Variants in UNC80 observed in about 807,000 individuals in gnomAD.
UNC80 encodes the protein unc-80 subunit of NALCN channel complex, also known as protein unc-80 homolog.
In UNC80, 164 loss-of-function variants were observed where a neutral mutation model predicts 384.6. That is an observed-to-expected ratio of 0.43 (90% CI 0.38 to 0.49). The LOEUF is 0.49. UNC80 is among the 20% of genes least tolerant of loss of function. The pLI is 0.00. For synonymous variants in UNC80, 1,486 were observed against 1,527.8 expected, an observed-to-expected ratio of 0.97 and a Z score of 0.64; for missense variants, 3,330 against 4,143.0, an observed-to-expected ratio of 0.80 and a Z score of 5.39.
rs770273655 is a variant in UNC80, at chr2:209,972,229, A to G, written c.8285A>G (p.His2762Arg). The G allele has an allele frequency of 1.3e-6, 2 of 1,551,532 alleles. No homozygotes were observed. The highest frequency in any genetic ancestry group is 8.7e-7 in the Non-Finnish European group (1 of 1,146,836). ...TTAAAAGAAGATTTTCCTTTAAGCC[A>G]TGTGATCTCCCCATTCACCAATCAA... ...QALKEDFPLS[H>R]VISPFTNQER... The change falls in exon 55 of 65, where the codon CAT (histidine) becomes CGT (arginine). Residue 2762 changes from histidine (H) to arginine (R), a missense_variant. Around this residue, in one of 8 missense-constraint regions of UNC80, gnomAD observed 1,049 missense variants for 1,488.6 expected, o/e 0.70. Coordinates refer to ENST00000673920, the MANE Select transcript of UNC80 (RefSeq NM_001371986.1).
At chr2:209,922,150 T>C (rs2090086518) in intron 34 of UNC80, 102 bp from the exon 35 acceptor site, 1 of 1,313,798 alleles carries the variant, frequency 7.6e-7, no homozygotes, top group South Asian at 1.6e-5. Flanking sequence ...ATTTAAGCCT[T>C]ATGGTCTGAG....
At chr2:209,887,982 T>C (rs972143783) in intron 25 of UNC80, 113 bp from the exon 26 acceptor site, 1 of 893,302 alleles carries the variant, frequency 1.1e-6, no homozygotes, top group East Asian at 2.7e-5. Context: ...GATAAAGGAA[T>C]CTGGCTGTTT....
chr2:209,804,773 GT>G (rs1173630852), intron 7 of UNC80, among the ~76,000 whole-genome samples: 6 of 43,986 alleles, frequency 1.4e-4, no homozygotes, highest in East Asian at 5.3e-4. Flanking sequence ...GTTTTGTTTT[GT>G]TTTTTTTTTG....
At position 209,998,815 on chromosome 2, in the gene UNC80, G is replaced by A. The variant is rs180859748; in HGVS notation, c.*3220G>A. 3.9e-5 allele frequency: 6 copies of A among 152,284 alleles called. No homozygotes were observed. In the East Asian group the frequency reaches 1.2e-3, roughly 29 times the overall value. The allele number at this position is 152,284 out of a possible 1,614,324, so 9.4% of individuals were successfully genotyped here. Reference sequence around the variant, plus strand: ...ACACCAAGTCATGCTGTTGCCCTGTGACCTCACACTTCCCATTCCATGGCC... The same window carrying A: ...ACACCAAGTCATGCTGTTGCCCTGTAACCTCACACTTCCCATTCCATGGCC... On this transcript the variant is annotated 3_prime_UTR_variant, in exon 65 of 65. Transcript: ENST00000673920.
Position 209,773,142 on chromosome 2 carries a change from G to T in UNC80, c.141G>T (p.Val47=). Residue 47 remains valine, a splice_region_variant and synonymous_variant, in exon 2 of 65, where the codon GTG becomes GTT. Transcript: ENST00000673920. The part of the protein sequence containing the change: ...KLGKQYEASC[V]SFERVLVENK... ...GGAAGCAATATGAAGCTTCTTGTGT[G>T]GTATGTGATTTTCACCATTTAATAA... The T allele has an allele frequency of 1.2e-6, 2 of 1,612,910 alleles. No individual in the cohort carries two copies. The highest frequency in any genetic ancestry group is 1.7e-6 in the Non-Finnish European group (2 of 1,179,230).
intron 6 of UNC80, among the ~76,000 whole-genome samples, chr2:209,792,457 T>C (rs1051913314): frequency 3.5e-4 from 53 of 152,160 alleles, no homozygotes; most frequent in Non-Finnish European, 6.3e-4. Context: ...ATGCCATTCT[T>C]CTGCCTCAGC....
intron 12 of UNC80, 114 bp downstream of exon 12, chr2:209,819,375 A>G (rs1212084678): frequency 1.7e-6 from 2 of 1,186,910 alleles, no homozygotes; most frequent in Non-Finnish European, 2.3e-6. Flanking sequence ...AAACCTTGAA[A>G]TGAAAAAGCC....
rs1423895865 is a variant in UNC80, at chr2:209,970,898, C to T, written c.8197C>T (p.Leu2733Phe). ...ACCCCTTCTTCATCTCAGCCCTTATCTCTCACCACCTCTGCCCTTCAGCAC... is the reference window on the plus strand; with the variant it reads ...ACCCCTTCTTCATCTCAGCCCTTATTTCTCACCACCTCTGCCCTTCAGCAC... ...GLPLLHLSPY[L>F]SPPLPFSTAV... Residue 2733 changes from leucine (L) to phenylalanine (F), a missense_variant, in exon 54 of 65, where the codon CTC becomes TTC. By Grantham distance (22) the Leu-to-Phe change is conservative. Coordinates refer to ENST00000673920, the MANE Select transcript of UNC80 (RefSeq NM_001371986.1). The T allele has an allele frequency of 3.0e-5, 47 of 1,551,762 alleles. No individual in the cohort carries two copies. Among genetic ancestry groups the T allele is most frequent in the East Asian group, 4.9e-5 (2 of 40,926 alleles).
At chr2:209,944,397 G>A (rs7558363) in intron 45 of UNC80, among the ~76,000 whole-genome samples, 15,672 of 152,026 alleles carry the variant, frequency 0.1, 1,991 homozygotes, top group African/African-American at 0.3. Flanking sequence ...CACTCAACCA[G>A]CAGAATTTAA....
chr2:209,988,904 G>A (rs531967842), intron 61 of UNC80, among the ~76,000 whole-genome samples: 14 of 152,170 alleles, frequency 9.2e-5, no homozygotes, highest in Non-Finnish European at 1.6e-4. Flanking sequence ...TAAATATATC[G>A]TAAGATGTTA....
At position 209,995,749 on chromosome 2, in the gene UNC80, A is replaced by C; in HGVS notation, c.*154A>C. The C allele has an allele frequency of 1.2e-6, 1 of 844,034 alleles. No individual in the cohort carries two copies. The highest frequency in any genetic ancestry group is 1.8e-5 in the South Asian group (1 of 54,256). The allele number at this position is 844,034 out of a possible 1,614,324, so 52.3% of individuals were successfully genotyped here. A position where few individuals can be genotyped will look rare whatever the true frequency, so the allele number is the denominator to read the frequency against. On this transcript the variant is annotated 3_prime_UTR_variant, in exon 65 of 65. Transcript: ENST00000673920. ...TCTGAATAGGTTTTGCTGCCAATAC[A>C]CATGATGTTTCATAAACATCTTAAA... is the stretch of plus-strand genomic sequence containing the variant.
At chr2:209,938,836 T>A (rs1196651457) in intron 42 of UNC80, among the ~76,000 whole-genome samples, 1 of 152,082 alleles carries the variant, frequency 6.6e-6, no homozygotes, top group Non-Finnish European at 1.5e-5. Context: ...ACTTCTAAGT[T>A]CCTCAGGGAG....
intron 26 of UNC80, among the ~76,000 whole-genome samples, chr2:209,893,545 T>G (rs1574917903): frequency 6.6e-6 from 1 of 152,190 alleles, no homozygotes; most frequent in Non-Finnish European, 1.5e-5. Context: ...CCATTTGGAA[T>G]CACATCTCAC....
intron 21 of UNC80, among the ~76,000 whole-genome samples, chr2:209,847,213 C>T (rs1034372351): frequency 6.6e-6 from 1 of 151,924 alleles, no homozygotes; most frequent in Non-Finnish European, 1.5e-5. Flanking sequence ...CTCTCCTCAC[C>T]AACAGACCCA....
chr2:209,891,381 A>G (rs762795649), intron 26 of UNC80, among the ~76,000 whole-genome samples: 11 of 152,158 alleles, frequency 7.2e-5, no homozygotes, highest in Non-Finnish European at 1.0e-4. Flanking sequence ...ATTATACTGC[A>G]TATGATGAGA....
intron 25 of UNC80, among the ~76,000 whole-genome samples, chr2:209,885,995 C>A (rs1470542948): frequency 6.6e-6 from 1 of 151,968 alleles, no homozygotes; most frequent in Non-Finnish European, 1.5e-5. Flanking sequence ...AAACTCCTGG[C>A]CTCGTGATCG....
chr2:209,982,101 ACC>A, intron 59 of UNC80, 76 bp from the exon 60 acceptor site: 1 of 1,444,518 alleles, frequency 6.9e-7, no homozygotes, highest in Non-Finnish European at 9.3e-7. Context: ...CAAGGACAGA[ACC>A]CAAGTACAGC....
intron 7 of UNC80, among the ~76,000 whole-genome samples, chr2:209,807,915 G>C (rs946094634): frequency 1.3e-5 from 2 of 152,252 alleles, no homozygotes; most frequent in South Asian, 4.1e-4. Context: ...ATTTGCTACT[G>C]AACGTCTTGT....
intron 27 of UNC80, among the ~76,000 whole-genome samples, chr2:209,895,407 T>C (rs1423662595): frequency 6.6e-6 from 1 of 152,180 alleles, no homozygotes; most frequent in East Asian, 1.9e-4. Flanking sequence ...AGGTTTAAAA[T>C]AGAAAATGCT....
Sources: gnomAD v4.1 joint callset for allele counts (sites outside exome capture counted in the v4.1 genomes callset) on GRCh38, gnomAD v4.1.1 for gene constraint, gnomAD v4.1.1 regional missense constraint, MANE v1.5 for transcripts, NCBI Gene and HGNC (gene_info 2026-07-23, HGNC 2026-07-21) for gene names.